The following PBX1 variants were observed in gnomAD, a reference collection of about 807,000 sequenced individuals.
PBX1 encodes pre-B-cell leukemia transcription factor 1.
Under a neutral mutation model 53.4 loss-of-function variants are expected in PBX1, and 6 were observed. The observed-to-expected ratio is 0.11, with a 90% CI of 0.06 to 0.22. PBX1 has a LOEUF of 0.22. PBX1 is among the 10% of genes least tolerant of loss of function. The pLI is 1.00. For missense variants in PBX1, 251 were observed against 551.4 expected (o/e 0.46, Z 5.46); for synonymous variants, 204 against 212.3 (o/e 0.96, Z 0.34).
intron 2 of PBX1, among the ~76,000 whole-genome samples, chr1:164,716,190 A>G (rs1664070771): frequency 6.6e-6 from 1 of 152,190 alleles, no homozygotes; most frequent in Non-Finnish European, 1.5e-5. Flanking sequence ...TTTTATGTGT[A>G]TGTCTGTACA....
intron 2 of PBX1, among the ~76,000 whole-genome samples, chr1:164,883,080 G>C (rs190702465): frequency 6.6e-6 from 1 of 152,050 alleles, no homozygotes; most frequent in Admixed American, 6.6e-5. Flanking sequence ...AGCTCTTTAG[G>C]TGAAAATAAA....
At chr1:164,632,962 T>C (rs1304578496) in intron 2 of PBX1, among the ~76,000 whole-genome samples, 1 of 152,186 alleles carries the variant, frequency 6.6e-6, no homozygotes, top group Non-Finnish European at 1.5e-5. Flanking sequence ...ATCCCCAGTC[T>C]TGTTTTATAG....
At chr1:164,874,731 T>A (rs1672464585) in intron 2 of PBX1, among the ~76,000 whole-genome samples, 1 of 152,166 alleles carries the variant, frequency 6.6e-6, no homozygotes, top group Non-Finnish European at 1.5e-5. Flanking sequence ...TGACCTCAAG[T>A]GATCTGCCTG....
chr1:164,728,330 A>AAGAG (rs551533075), intron 2 of PBX1, among the ~76,000 whole-genome samples: 7 of 149,508 alleles, frequency 4.7e-5, no homozygotes, highest in East Asian at 4.0e-4. Flanking sequence ...AAAAAAAAAA[A>AAGAG]AGAGAGAGAG....
chr1:164,777,263 A>G (rs1667717412), intron 2 of PBX1, among the ~76,000 whole-genome samples: 1 of 152,070 alleles, frequency 6.6e-6, no homozygotes, highest in African/African-American at 2.4e-5. Flanking sequence ...TCTGTACTAA[A>G]AATACAAAAA....
chr1:164,779,199 C>G (rs114188310), intron 2 of PBX1, among the ~76,000 whole-genome samples: 2,116 of 151,920 alleles, frequency 0.014, 54 homozygotes, highest in African/African-American at 0.049. Flanking sequence ...GTATTTAGTT[C>G]TTCTCTACCA....
intron 2 of PBX1, among the ~76,000 whole-genome samples, chr1:164,679,210 C>T (rs1661606896): frequency 6.6e-6 from 1 of 152,168 alleles, no homozygotes; most frequent in African/African-American, 2.4e-5. Flanking sequence ...GCCTTTTTAT[C>T]TGGTTAAAGA....
intron 2 of PBX1, among the ~76,000 whole-genome samples, chr1:164,579,577 C>T (rs1187912841): frequency 1.3e-5 from 2 of 152,180 alleles, no homozygotes; most frequent in Non-Finnish European, 2.9e-5. Context: ...GCCCTGGAGG[C>T]GTCTCTGACT....
chr1:164,735,577 A>G (rs555892437), intron 2 of PBX1, among the ~76,000 whole-genome samples: 1 of 152,338 alleles, frequency 6.6e-6, no homozygotes, highest in African/African-American at 2.4e-5. Context: ...AAGATGAAAC[A>G]TATTCATTTA....
chr1:164,631,646 T>C (rs1264285821), intron 2 of PBX1, among the ~76,000 whole-genome samples: 1 of 152,196 alleles, frequency 6.6e-6, no homozygotes, highest in Non-Finnish European at 1.5e-5. Context: ...CTATTTACAA[T>C]CTACAATAGA....
intron 2 of PBX1, among the ~76,000 whole-genome samples, chr1:164,741,373 A>T (rs1665591496): frequency 2.0e-5 from 3 of 152,224 alleles, no homozygotes; most frequent in Admixed American, 2.0e-4. Flanking sequence ...GATTTTCAGG[A>T]ATATAAATTG....
intron 2 of PBX1, among the ~76,000 whole-genome samples, chr1:164,733,936 TCTA>T (rs1310470507): frequency 2.6e-5 from 4 of 152,230 alleles, no homozygotes; most frequent in African/African-American, 9.6e-5. Flanking sequence ...GCAGAAATGT[TCTA>T]CTAATTTTTT....
chr1:164,694,804 T>A (rs1662715136), intron 2 of PBX1, among the ~76,000 whole-genome samples: 1 of 152,236 alleles, frequency 6.6e-6, no homozygotes, highest in South Asian at 2.1e-4. Context: ...CTTATAAAAC[T>A]AAACACATTC....
intron 2 of PBX1, chr1:164,631,235 G>A (rs1658392462): frequency 6.6e-6 from 1 of 151,468 alleles, no homozygotes; most frequent in South Asian, 2.1e-4. Flanking sequence ...TGAAAGTTCT[G>A]GTTAAAACCA....
chr1:164,626,058 C>T (rs1658015370), intron 2 of PBX1: 1 of 1,037,066 alleles, frequency 9.6e-7, no homozygotes, highest in African/African-American at 1.7e-5. Flanking sequence ...CCCCAGCCCA[C>T]ACACCACCAC....
At chr1:164,659,000 AC>A (rs982296851) in intron 2 of PBX1, among the ~76,000 whole-genome samples, 1 of 152,140 alleles carries the variant, frequency 6.6e-6, no homozygotes, top group African/African-American at 2.4e-5. Flanking sequence ...CCATTGTCTC[AC>A]TAAGACTCAG....
At chr1:164,799,931 C>A in intron 4 of PBX1, 42 bp downstream of exon 4, 4 of 1,559,784 alleles carry the variant, frequency 2.6e-6, no homozygotes, top group East Asian at 2.3e-5. Flanking sequence ...CTGGGAGTCC[C>A]TGATCTGGGG....
chr1:164,622,293 T>A (rs202197698), intron 2 of PBX1, among the ~76,000 whole-genome samples: 1 of 103,160 alleles, frequency 9.7e-6, no homozygotes, highest in Non-Finnish European at 2.6e-5. Context: ...GGCCGCACTG[T>A]TGTGAGTGCC....
chr1:164,640,149 G>GCCTGGCT (rs1205606752), intron 2 of PBX1, among the ~76,000 whole-genome samples: 3 of 152,172 alleles, frequency 2.0e-5, no homozygotes, highest in Non-Finnish European at 4.4e-5. Context: ...ACAGATCGCA[G>GCCTGGCT]CCTGGCTCCT....
Sources: allele counts gnomAD v4.1 joint callset (sites outside exome capture counted in the v4.1 genomes callset), GRCh38; gene constraint gnomAD v4.1.1; transcripts MANE v1.5; gene names NCBI Gene and HGNC (gene_info 2026-07-23, HGNC 2026-07-21).